The following ABLIM3 variants were observed in gnomAD, a reference collection of about 807,000 sequenced individuals.
The protein encoded by ABLIM3 is actin binding LIM protein family member 3, also known as actin-binding LIM protein 3.
A neutral mutation model predicts 109.5 loss-of-function variants in ABLIM3; 61 were observed. The observed-to-expected ratio is 0.56, with a 90% CI of 0.45 to 0.69. The LOEUF is 0.69. Ranked by LOEUF, ABLIM3 falls within the 30% of genes least tolerant of loss-of-function variation. The pLI, the probability that ABLIM3 is intolerant of heterozygous loss-of-function variation, is 0.00. For synonymous variants in ABLIM3, 300 were observed against 324.8 expected (o/e 0.92, Z 0.82); for missense variants, 796 against 889.5 (o/e 0.89, Z 1.34).
intron 7 of ABLIM3, chr5:149,216,750 A>G: frequency 1.8e-6 from 1 of 562,134 alleles, no homozygotes. Context: ...AAGTCCCCTG[A>G]ACTGCCATCA....
intron 23 of ABLIM3, among the ~76,000 whole-genome samples, chr5:149,253,321 C>T (rs1217206897): frequency 6.6e-6 from 1 of 152,170 alleles, no homozygotes; most frequent in Non-Finnish European, 1.5e-5. Flanking sequence ...ATAAGTAAGT[C>T]TTGAGTCAAA....
intron 8 of ABLIM3, among the ~76,000 whole-genome samples, chr5:149,225,124 G>A (rs969394824): frequency 2.6e-5 from 4 of 152,218 alleles, no homozygotes; most frequent in Non-Finnish European, 5.9e-5. Flanking sequence ...CTGCTGGGAG[G>A]AGAGGAGTGG....
chr5:149,185,877 A>G (rs1391302404), intron 3 of ABLIM3, among the ~76,000 whole-genome samples: 1 of 152,194 alleles, frequency 6.6e-6, no homozygotes, highest in Non-Finnish European at 1.5e-5. Flanking sequence ...GTGACTCCCA[A>G]TGCCTTATTT....
intron 2 of ABLIM3, among the ~76,000 whole-genome samples, chr5:149,157,705 G>C (rs1468827797): frequency 6.6e-6 from 1 of 151,944 alleles, no homozygotes; most frequent in East Asian, 1.9e-4. Context: ...GCTGAGCTAA[G>C]GAGAAAAGAG....
At chr5:149,243,267 G>C (rs1388021457) in intron 15 of ABLIM3, 2 of 152,242 alleles carry the variant, frequency 1.3e-5, no homozygotes, top group Admixed American at 6.5e-5. Flanking sequence ...CTTTGTCCAT[G>C]ATTCCTCCCT....
chr5:149,200,956 G>A (rs1183061421), intron 5 of ABLIM3, among the ~76,000 whole-genome samples: 1 of 152,118 alleles, frequency 6.6e-6, no homozygotes, highest in Non-Finnish European at 1.5e-5. Flanking sequence ...CTCTAGGGAT[G>A]GAACCTAGGA....
chr5:149,160,470 A>G (rs903544899), intron 2 of ABLIM3, among the ~76,000 whole-genome samples: 1 of 152,152 alleles, frequency 6.6e-6, no homozygotes, highest in African/African-American at 2.4e-5. Context: ...TCAAAAAAAA[A>G]AAAAAAGAAG....
chr5:149,183,645 T>A, intron 3 of ABLIM3, 56 bp downstream of exon 3: 1 of 1,458,538 alleles, frequency 6.9e-7, no homozygotes, highest in Non-Finnish European at 9.1e-7. Context: ...TCTTGCACCA[T>A]CAGGTCATGC....
chr5:149,173,106 G>A (rs973748582), intron 2 of ABLIM3, among the ~76,000 whole-genome samples: 4 of 152,224 alleles, frequency 2.6e-5, no homozygotes, highest in African/African-American at 9.6e-5. Flanking sequence ...AGGAAGGGAC[G>A]GAGTTGGAGT....
intron 8 of ABLIM3, among the ~76,000 whole-genome samples, chr5:149,227,711 C>A (rs1426137743): frequency 6.6e-6 from 1 of 152,144 alleles, no homozygotes; most frequent in Non-Finnish European, 1.5e-5. Context: ...TTGACACACC[C>A]CAATATAGTG....
intron 5 of ABLIM3, among the ~76,000 whole-genome samples, chr5:149,203,643 AC>A (rs1292040418): frequency 6.6e-6 from 1 of 151,996 alleles, no homozygotes; most frequent in East Asian, 1.9e-4. Context: ...CGCCAACGCT[AC>A]CATAATCACC....
chr5:149,143,872 GA>G (rs58781552), intron 2 of ABLIM3, among the ~76,000 whole-genome samples: 15 of 150,424 alleles, frequency 1.0e-4, no homozygotes, highest in African/African-American at 3.2e-4. Flanking sequence ...CTATCTCTAG[GA>G]AAAAAAAATG....
At chr5:149,149,572 T>C (rs1753242842) in intron 2 of ABLIM3, among the ~76,000 whole-genome samples, 1 of 152,162 alleles carries the variant, frequency 6.6e-6, no homozygotes, top group Admixed American at 6.5e-5. Flanking sequence ...AGACAGGAAG[T>C]TAGGATCCCA....
At chr5:149,246,352 G>A (rs1339281702) in intron 16 of ABLIM3, 130 bp from the exon 17 acceptor site, 5 of 864,124 alleles carry the variant, frequency 5.8e-6, no homozygotes, top group Non-Finnish European at 8.8e-6. Flanking sequence ...TAGCTTAAAC[G>A]AGACTGTTTC....
chr5:149,182,025 C>T (rs1561559991), intron 2 of ABLIM3, among the ~76,000 whole-genome samples: 2 of 152,184 alleles, frequency 1.3e-5, no homozygotes, highest in Admixed American at 6.5e-5. Flanking sequence ...GGGACATGCA[C>T]AATTTCAGTT....
intron 16 of ABLIM3, among the ~76,000 whole-genome samples, chr5:149,245,325 G>A (rs1412094291): frequency 6.6e-6 from 1 of 152,218 alleles, no homozygotes; most frequent in African/African-American, 2.4e-5. Context: ...CCAGCCTGAA[G>A]ATGACAAAAG....
chr5:149,180,623 C>G (rs1756375990), intron 2 of ABLIM3, among the ~76,000 whole-genome samples: 1 of 151,978 alleles, frequency 6.6e-6, no homozygotes, highest in Non-Finnish European at 1.5e-5. Flanking sequence ...GAACTCACAC[C>G]AACTGTATGT....
At chr5:149,234,741 A>G (rs1007012191) in intron 10 of ABLIM3, among the ~76,000 whole-genome samples, 7 of 152,220 alleles carry the variant, frequency 4.6e-5, no homozygotes, top group Admixed American at 4.6e-4. Flanking sequence ...GCCAGACCAC[A>G]GCAGGATTAA....
At chr5:149,210,924 C>A in intron 7 of ABLIM3, 105 bp downstream of exon 7, 1 of 1,006,996 alleles carries the variant, frequency 9.9e-7, no homozygotes, top group Non-Finnish European at 1.6e-6. Flanking sequence ...TTTTCCATAG[C>A]CTTTACCTCC....
Sources: gnomAD v4.1 joint callset for allele counts (sites outside exome capture counted in the v4.1 genomes callset) on GRCh38, gnomAD v4.1.1 for gene constraint, MANE v1.5 for transcripts, NCBI Gene and HGNC (gene_info 2026-07-23, HGNC 2026-07-21) for gene names.